The following SLC51B variants were observed in gnomAD, a reference collection of about 807,000 sequenced individuals.
SLC51B encodes the protein SLC51 subunit beta.
SLC51B carries 6 observed loss-of-function variants against 8.0 expected under a neutral mutation model. The observed-to-expected ratio is 0.75, with a 90% CI of 0.41 to 1.48. SLC51B has a LOEUF of 1.48. Ranked by LOEUF, SLC51B falls within the 40% of genes most tolerant of loss-of-function variation. The pLI, the probability that SLC51B is intolerant of heterozygous loss-of-function variation, is 0.01. For missense variants in SLC51B, 150 were observed against 149.7 expected, an observed-to-expected ratio of 1.00 and a Z score of -0.01; for synonymous variants, 61 against 54.8, an observed-to-expected ratio of 1.11 and a Z score of -0.50.
intron 1 of SLC51B, 21 bp downstream of exon 1, chr15:65,045,603 T>C (rs554732461): frequency 6.6e-6 from 1 of 152,422 alleles, no homozygotes; most frequent in East Asian, 1.9e-4. Context: ...TCATCTTGCC[T>C]TGGGGATGGG....
chr15:65,046,744 C>T (rs570343834), intron 1 of SLC51B, among the ~76,000 whole-genome samples: 24 of 152,148 alleles, frequency 1.6e-4, no homozygotes, highest in African/African-American at 5.5e-4. Context: ...GAAACCCCAT[C>T]GCTACAAAAA....
intron 1 of SLC51B, chr15:65,049,256 G>A (rs1461727240): frequency 6.6e-6 from 1 of 151,242 alleles, no homozygotes; most frequent in Admixed American, 6.6e-5. Flanking sequence ...ACGAAGTAAG[G>A]GATTTATCCA....
chr15:65,048,730 C>T (rs2086607708), intron 1 of SLC51B, among the ~76,000 whole-genome samples: 1 of 152,112 alleles, frequency 6.6e-6, no homozygotes, highest in South Asian at 2.1e-4. Context: ...GTTATTGGGT[C>T]AGGCGCGGTG....
At chr15:65,050,255 G>A (rs765259550) in intron 2 of SLC51B, among the ~76,000 whole-genome samples, 154 bp downstream of exon 2, 3 of 152,186 alleles carry the variant, frequency 2.0e-5, no homozygotes, top group Non-Finnish European at 4.4e-5. Flanking sequence ...GTACCCAGAG[G>A]GGTCTGGCTG....
chr15:65,048,096 G>A (rs980542914), intron 1 of SLC51B, among the ~76,000 whole-genome samples: 8 of 151,822 alleles, frequency 5.3e-5, no homozygotes, highest in Admixed American at 2.0e-4. Flanking sequence ...AACGAGAACC[G>A]CTTGGACCCA....
At chr15:65,049,778 T>C in intron 1 of SLC51B, 119 bp from the exon 2 acceptor site, 1 of 421,052 alleles carries the variant, frequency 2.4e-6, no homozygotes, top group Admixed American at 4.2e-5. Flanking sequence ...CACGTGCTCC[T>C]GGGTTCGTTC....
chr15:65,053,071 A>G lies in SLC51B; in HGVS notation c.294A>G (p.Ser98=). Residue 98 remains serine (S), a synonymous_variant, in exon 4 of 4, where the codon TCA becomes TCG. Transcript: ENST00000334287. ...SLNNLRETLL[S]EKPNLAQVEL... ...ACAACCTAAGAGAAACTTTGCTCTC[A>G]GAAAAGCCAAACTTGGCCCAGGTGG... 6.2e-7 allele frequency: 1 copy of G among 1,614,202 alleles called. No homozygotes were observed. The highest frequency in any genetic ancestry group is 8.5e-7 in the Non-Finnish European group (1 of 1,180,044).
chr15:65,053,130 T>C lies in SLC51B; in HGVS notation c.353T>C (p.Val118Ala). 1 of 1,614,096 alleles carries C rather than the reference T, an allele frequency of 6.2e-7. No individual in the cohort carries two copies. Among genetic ancestry groups the C allele is most frequent in the Non-Finnish European group, 8.5e-7 (1 of 1,180,022 alleles). ...TTAAAAGAGAGAGATGTGCTGTCAG[T>C]TTTCCTTCCGGATGTACCAGAAACT... ...LELKERDVLSVFLPDVPETES is the reference protein window; with the variant it reads ...LELKERDVLSAFLPDVPETES Residue 118 changes from valine (V) to alanine (A), a missense_variant, in exon 4 of 4, where the codon GTT becomes GCT. Transcript: ENST00000334287.
chr15:65,050,712 G>A (rs1167459592), intron 2 of SLC51B, among the ~76,000 whole-genome samples: 1 of 151,946 alleles, frequency 6.6e-6, no homozygotes. Context: ...GGTACAGCAT[G>A]GACAAATCTT....
chr15:65,052,151 T>C (rs1353925363), intron 3 of SLC51B, among the ~76,000 whole-genome samples: 1 of 152,138 alleles, frequency 6.6e-6, no homozygotes, highest in Non-Finnish European at 1.5e-5. Context: ...GAGTGATGTG[T>C]ACACGATGGG....
intron 1 of SLC51B, among the ~76,000 whole-genome samples, chr15:65,048,613 C>G (rs558233781): frequency 2.0e-5 from 3 of 152,212 alleles, no homozygotes; most frequent in Non-Finnish European, 4.4e-5. Context: ...GTTCAAAACA[C>G]TTCTCTTGTT....
At position 65,053,154 on chromosome 15, in the gene SLC51B, C is replaced by T. The variant is rs1198881480; in HGVS notation, c.377C>T (p.Thr126Ile). 1.3e-5 allele frequency: 21 copies of T among 1,613,868 alleles called. No homozygotes were observed. Among genetic ancestry groups the T allele is most frequent in the Non-Finnish European group, 1.8e-5 (21 of 1,180,048 alleles). ...GTTTTCCTTCCGGATGTACCAGAAA[C>T]TGAGAGCTAGTGAGGGTTCAGAGAA... ...LSVFLPDVPE[T>I]ES Residue 126 changes from threonine to isoleucine, a missense_variant, in exon 4 of 4, where the codon ACT (threonine) becomes ATT (isoleucine). By Grantham distance (89) the Thr-to-Ile change is moderately conservative. Coordinates refer to ENST00000334287, the MANE Select transcript of SLC51B (RefSeq NM_178859.4).
chr15:65,045,468 G>A lies in SLC51B; in HGVS notation c.-223G>A, dbSNP rs889415853. On this transcript the variant is annotated 5_prime_UTR_variant, in exon 1 of 4. Transcript: ENST00000334287. Reference sequence around the variant, plus strand: ...GTGACAGCTGTTACTGCCTGGGAGAGCTCAAGTGCAAAGACTATCCTGTTC... The same window carrying A: ...GTGACAGCTGTTACTGCCTGGGAGAACTCAAGTGCAAAGACTATCCTGTTC... The A allele has an allele frequency of 1.3e-5, 2 of 152,274 alleles. No homozygotes were observed. Among genetic ancestry groups the A allele is most frequent in the Non-Finnish European group, 1.5e-5 (1 of 68,064 alleles). The allele number at this position is 152,274 out of a possible 1,614,324, so 9.4% of individuals were successfully genotyped here.
intron 1 of SLC51B, 104 bp from the exon 2 acceptor site, chr15:65,049,793 C>CGT: frequency 7.0e-6 from 3 of 426,786 alleles, no homozygotes; most frequent in Non-Finnish European, 4.2e-6. Flanking sequence ...TCGTTCGGGT[C>CGT]GTTTTTGTCC....
chr15:65,046,731 G>A (rs1286726139), intron 1 of SLC51B, among the ~76,000 whole-genome samples: 2 of 152,110 alleles, frequency 1.3e-5, no homozygotes, highest in Non-Finnish European at 2.9e-5. Context: ...TGGGCAAGAT[G>A]ATGAAACCCC....
At chr15:65,052,437 A>G (rs1448748797) in intron 3 of SLC51B, among the ~76,000 whole-genome samples, 2 of 105,998 alleles carry the variant, frequency 1.9e-5, no homozygotes, top group African/African-American at 3.7e-5. Flanking sequence ...CAGTCTCTCT[A>G]TTGCCCAGGA....
intron 1 of SLC51B, among the ~76,000 whole-genome samples, chr15:65,046,745 G>A (rs982216246): frequency 1.3e-5 from 2 of 151,836 alleles, no homozygotes; most frequent in Non-Finnish European, 1.5e-5. Context: ...AAACCCCATC[G>A]CTACAAAAAA....
intron 2 of SLC51B, 67 bp downstream of exon 2, chr15:65,050,168 A>G: frequency 7.5e-7 from 1 of 1,325,046 alleles, no homozygotes; most frequent in Non-Finnish European, 1.1e-6. Flanking sequence ...AGTTTGGCTG[A>G]AGGTCCTGAC....
At chr15:65,047,432 A>C (rs2086590152) in intron 1 of SLC51B, among the ~76,000 whole-genome samples, 1 of 152,242 alleles carries the variant, frequency 6.6e-6, no homozygotes, top group Admixed American at 6.5e-5. Context: ...TCATGAAAGC[A>C]GTGTATACGC....
Sources: allele counts gnomAD v4.1 joint callset (sites outside exome capture counted in the v4.1 genomes callset), GRCh38; gene constraint gnomAD v4.1.1; transcripts MANE v1.5; gene names NCBI Gene and HGNC (gene_info 2026-07-23, HGNC 2026-07-21).